Variants in MAF observed in about 807,000 individuals in gnomAD.
MAF encodes the protein MAF bZIP transcription factor.
Under a neutral mutation model 22.0 loss-of-function variants are expected in MAF, and 10 were observed. That is an observed-to-expected ratio of 0.45 (90% CI 0.28 to 0.77). MAF has a LOEUF of 0.77. Ranked by LOEUF, MAF falls within the 30% of genes least tolerant of loss-of-function variation. MAF has a pLI of 0.12. For missense variants in MAF, 544 were observed against 548.4 expected, an observed-to-expected ratio of 0.99 and a Z score of 0.08; for synonymous variants, 337 against 255.8, an observed-to-expected ratio of 1.32 and a Z score of -3.03.
At chr16:79,543,140 C>T in the MAF span, among the ~76,000 whole-genome samples, 5 of 152,172 alleles carry the variant, frequency 3.3e-5, no homozygotes, top group Non-Finnish European at 7.4e-5. Context: ...GTGGTAACAT[C>T]ATGAAGAGTG....
the MAF span, among the ~76,000 whole-genome samples, chr16:79,337,643 C>A: frequency 6.6e-6 from 1 of 152,146 alleles, no homozygotes. Flanking sequence ...TCTCCATCGT[C>A]TTTAAACATG....
the MAF span, among the ~76,000 whole-genome samples, chr16:79,516,447 G>A: frequency 3.3e-5 from 5 of 152,172 alleles, no homozygotes; most frequent in Non-Finnish European, 2.9e-5. Flanking sequence ...CAAGGCAAAG[G>A]TGAGTATTAT....
chr16:79,462,408 T>A, the MAF span, among the ~76,000 whole-genome samples: 2 of 152,194 alleles, frequency 1.3e-5, no homozygotes, highest in African/African-American at 4.8e-5. Flanking sequence ...TCAATATGAA[T>A]GACTACAGCA....
At chr16:79,203,669 G>C in the MAF span, 1 of 152,112 alleles carries the variant, frequency 6.6e-6, no homozygotes, top group African/African-American at 2.4e-5. Context: ...TCTAAAAGAC[G>C]TAATTTTGCA....
At chr16:79,565,080 C>A in the MAF span, among the ~76,000 whole-genome samples, 1 of 152,126 alleles carries the variant, frequency 6.6e-6, no homozygotes, top group Non-Finnish European at 1.5e-5. Context: ...AGGGCACCTA[C>A]CCTTGGACTT....
chr16:79,268,244 G>A, the MAF span, among the ~76,000 whole-genome samples: 2 of 152,094 alleles, frequency 1.3e-5, no homozygotes, highest in Non-Finnish European at 1.5e-5. Context: ...GGAATTGTGC[G>A]TAACTGTACC....
At chr16:79,233,172 G>A in the MAF span, among the ~76,000 whole-genome samples, 1 of 151,924 alleles carries the variant, frequency 6.6e-6, no homozygotes, top group Non-Finnish European at 1.5e-5. Context: ...TACCCGTGCA[G>A]GTTTTTCATG....
chr16:79,341,025 C>A, the MAF span, among the ~76,000 whole-genome samples: 1 of 152,146 alleles, frequency 6.6e-6, no homozygotes, highest in African/African-American at 2.4e-5. Flanking sequence ...GAAGAGCCTT[C>A]CAGGCAGAGG....
chr16:79,448,671 C>A, the MAF span, among the ~76,000 whole-genome samples: 1 of 151,958 alleles, frequency 6.6e-6, no homozygotes, highest in African/African-American at 2.4e-5. Context: ...GTGATCCACA[C>A]GCCTCAACCT....
At chr16:79,407,985 G>C in the MAF span, among the ~76,000 whole-genome samples, 3 of 147,694 alleles carry the variant, frequency 2.0e-5, no homozygotes, top group Admixed American at 2.1e-4. Context: ...CCTTCTCAGA[G>C]GGAGATCGAC....
the MAF span, among the ~76,000 whole-genome samples, chr16:79,331,806 C>T: frequency 6.6e-6 from 1 of 152,162 alleles, no homozygotes; most frequent in South Asian, 2.1e-4. Flanking sequence ...ACCCACACTC[C>T]TATCCCTTTT....
chr16:79,412,738 T>C, the MAF span, among the ~76,000 whole-genome samples: 2 of 152,154 alleles, frequency 1.3e-5, no homozygotes, highest in Non-Finnish European at 2.9e-5. Flanking sequence ...AAGTAACATG[T>C]ATGAAAGGGC....
chr16:79,222,820 T>C, the MAF span, among the ~76,000 whole-genome samples: 2 of 152,138 alleles, frequency 1.3e-5, no homozygotes, highest in Admixed American at 1.3e-4. Flanking sequence ...AAGAACTAAC[T>C]ATCCTAAATA....
chr16:79,238,166 C>A, the MAF span, among the ~76,000 whole-genome samples: 1 of 152,092 alleles, frequency 6.6e-6, no homozygotes, highest in African/African-American at 2.4e-5. Context: ...AACTACAGAG[C>A]TCAACCCTTG....
At chr16:79,429,877 C>T in the MAF span, among the ~76,000 whole-genome samples, 1 of 152,116 alleles carries the variant, frequency 6.6e-6, no homozygotes, top group Non-Finnish European at 1.5e-5. Flanking sequence ...AAAGGTGTCA[C>T]CATAATTTGT....
the MAF span, among the ~76,000 whole-genome samples, chr16:79,538,803 G>A: frequency 6.6e-6 from 1 of 150,614 alleles, no homozygotes; most frequent in Middle Eastern, 3.4e-3. Context: ...TACAGCCTGG[G>A]TGACAGAGCA....
At chr16:79,502,715 ATATATATATATATATATATATATATATAT>A in the MAF span, among the ~76,000 whole-genome samples, 5,219 of 41,208 alleles carry the variant, frequency 0.13, 595 homozygotes, top group African/African-American at 0.26. Flanking sequence ...ATAAATATAT[ATATATATATATATATATATATATATATAT>A]ATATATATAT....
the MAF span, among the ~76,000 whole-genome samples, chr16:79,541,431 C>T: frequency 9.2e-5 from 14 of 152,014 alleles, no homozygotes; most frequent in African/African-American, 3.4e-4. Context: ...GCGTCAGTCC[C>T]TGGCAGGGAC....
chr16:79,426,361 AATC>A, the MAF span, among the ~76,000 whole-genome samples: 2 of 151,722 alleles, frequency 1.3e-5, no homozygotes, highest in African/African-American at 4.9e-5. Flanking sequence ...GGTCAAATAT[AATC>A]ATGAATTCTC....
Sources: gnomAD v4.1 joint callset for allele counts (sites outside exome capture counted in the v4.1 genomes callset) on GRCh38, gnomAD v4.1.1 for gene constraint, MANE v1.5 for transcripts, NCBI Gene and HGNC (gene_info 2026-07-23, HGNC 2026-07-21) for gene names.